DOK6: variants seen among roughly 807,000 people sequenced by gnomAD.
DOK6 encodes the protein downstream of tyrosine kinase 6.
Under a neutral mutation model 44.0 loss-of-function variants are expected in DOK6, and 22 were observed. The ratio of observed to expected loss-of-function variants is 0.50; its 90% confidence interval spans 0.36 to 0.71. DOK6 has a LOEUF of 0.71. DOK6 is among the 30% of genes least tolerant of loss of function. The probability of loss-of-function intolerance (pLI) is 0.00; values close to 1 mark genes in which losing one functional copy is unlikely to be tolerated. For missense variants in DOK6, 340 were observed against 416.4 expected (o/e 0.82, Z 1.60); for synonymous variants, 166 against 145.5 (o/e 1.14, Z -1.01).
chr18:69,431,207 G>A (rs1041583468), intron 1 of DOK6, among the ~76,000 whole-genome samples: 3 of 152,150 alleles, frequency 2.0e-5, no homozygotes, highest in Admixed American at 2.0e-4. Context: ...TTTTCAGCAG[G>A]CACAAAGCAG....
At chr18:69,701,271 G>A (rs985481327) in intron 5 of DOK6, among the ~76,000 whole-genome samples, 2 of 152,206 alleles carry the variant, frequency 1.3e-5, no homozygotes, top group South Asian at 2.1e-4. Flanking sequence ...CATCCTCAGC[G>A]CAGCATGGCG....
At chr18:69,487,001 T>C (rs929787453) in intron 1 of DOK6, among the ~76,000 whole-genome samples, 4 of 152,184 alleles carry the variant, frequency 2.6e-5, no homozygotes, top group Middle Eastern at 3.2e-3. Context: ...ATCTACTTTC[T>C]GCTCCACTTT....
rs552486437 is a variant in DOK6, at chr18:69,717,918, G to A, written c.599+19325G>A. Among the ~76,000 whole-genome samples the A allele has an allele frequency of 1.2e-4, 19 of 152,280 alleles. 1 individual carries two copies. The highest frequency in any genetic ancestry group is 4.2e-4 in the South Asian group (2 of 4,816). On this transcript the variant is annotated intron_variant, in intron 5 of 7. Transcript: ENST00000382713. Reference sequence around the variant, plus strand: ...TAGGGGCAGTCCTTCCAGTGGCATCGAGGCCTTAGATGTCAAAGAATCGGA... The same window carrying A: ...TAGGGGCAGTCCTTCCAGTGGCATCAAGGCCTTAGATGTCAAAGAATCGGA...
At chr18:69,770,058 T>C (rs1325044857) in intron 7 of DOK6, among the ~76,000 whole-genome samples, 1 of 152,156 alleles carries the variant, frequency 6.6e-6, no homozygotes, top group Non-Finnish European at 1.5e-5. Context: ...TATAATTTCA[T>C]GTAAACCACA....
chr18:69,640,100 G>A (rs1984905098), intron 3 of DOK6, among the ~76,000 whole-genome samples: 1 of 152,134 alleles, frequency 6.6e-6, no homozygotes, highest in African/African-American at 2.4e-5. Context: ...TTAACCTGCA[G>A]CACAGTTGTA....
At chr18:69,562,900 A>G (rs1267825650) in intron 1 of DOK6, among the ~76,000 whole-genome samples, 1 of 152,244 alleles carries the variant, frequency 6.6e-6, no homozygotes. Flanking sequence ...AAATCTACTT[A>G]TCTGACAAAG....
intron 2 of DOK6, among the ~76,000 whole-genome samples, chr18:69,593,182 T>C (rs1467777111): frequency 6.6e-6 from 1 of 151,920 alleles, no homozygotes; most frequent in Non-Finnish European, 1.5e-5. Context: ...CTGTATAACA[T>C]AGAGAGAGCC....
chr18:69,634,426 T>C (rs77704578), intron 3 of DOK6, among the ~76,000 whole-genome samples: 2,354 of 152,320 alleles, frequency 0.015, 22 homozygotes, highest in South Asian at 0.045. Context: ...GTTGTCAAGA[T>C]ACTTGAATTT....
chr18:69,738,440 A>G (rs1978687169), intron 5 of DOK6, among the ~76,000 whole-genome samples: 2 of 152,216 alleles, frequency 1.3e-5, no homozygotes, highest in South Asian at 2.1e-4. Context: ...AATCCTATTG[A>G]ATAACAACTT....
intron 3 of DOK6, among the ~76,000 whole-genome samples, chr18:69,666,439 T>G (rs1297084227): frequency 6.6e-6 from 1 of 152,180 alleles, no homozygotes; most frequent in Non-Finnish European, 1.5e-5. Flanking sequence ...TTCTTTTATT[T>G]TTTTTTAAAT....
At chr18:69,469,970 C>T (rs1398618987) in intron 1 of DOK6, 1 of 190,824 alleles carries the variant, frequency 5.2e-6, no homozygotes. Context: ...ACCGAGTGTC[C>T]GATCTCCCCT....
At chr18:69,463,864 T>G (rs1408165758) in intron 1 of DOK6, among the ~76,000 whole-genome samples, 1 of 152,192 alleles carries the variant, frequency 6.6e-6, no homozygotes, top group Non-Finnish European at 1.5e-5. Flanking sequence ...TTTATGGCAC[T>G]ATGTCTGTCA....
In DOK6 at chr18:69,645,737, A is replaced by G. The variant is rs187063171; in HGVS notation, c.290-31997A>G. The stretch of plus-strand genomic sequence containing the variant: ...AAAAAAACCTTGTACATAATTATTC[A>G]TAGCAGCTTTACTTGTAATATCCTA... On this transcript the variant is annotated intron_variant, in intron 3 of 7. Coordinates refer to ENST00000382713, the MANE Select transcript of DOK6 (RefSeq NM_152721.6). Among the ~76,000 whole-genome samples the G allele has an allele frequency of 3.9e-5, 6 of 152,342 alleles. No homozygotes were observed. In the East Asian group the frequency reaches 1.2e-3, roughly 29 times the overall value.
At position 69,455,597 on chromosome 18, in the gene DOK6, T is replaced by A. The variant is rs2122466694; in HGVS notation, c.66+54287T>A. Among the ~76,000 whole-genome samples the A allele has an allele frequency of 1.3e-5, 2 of 152,336 alleles. 1 individual carries two copies. Among genetic ancestry groups the A allele is most frequent in the Admixed American group, 1.3e-4 (2 of 15,296 alleles). On this transcript the variant is annotated intron_variant, in intron 1 of 7. Coordinates refer to ENST00000382713, the MANE Select transcript of DOK6 (RefSeq NM_152721.6). ...GCATTGAAATTGTGTGGAGTCACAA[T>A]TGTATATTGGGAGATATTTTATCAA...
intron 1 of DOK6, among the ~76,000 whole-genome samples, chr18:69,426,296 C>G (rs1475197061): frequency 1.3e-5 from 2 of 152,118 alleles, no homozygotes; most frequent in Non-Finnish European, 2.9e-5. Flanking sequence ...CCAGGATCTT[C>G]CTAATCCTTT....
chr18:69,775,435 T>A (rs1980031997), intron 7 of DOK6, among the ~76,000 whole-genome samples: 1 of 151,914 alleles, frequency 6.6e-6, no homozygotes. Flanking sequence ...TTGATAGCAG[T>A]AACAAGAAAT....
At chr18:69,554,238 T>G (rs1982635079) in intron 1 of DOK6, among the ~76,000 whole-genome samples, 1 of 152,154 alleles carries the variant, frequency 6.6e-6, no homozygotes, top group Non-Finnish European at 1.5e-5. Flanking sequence ...ACTTTGTTAG[T>G]AGCCAAAAAG....
intron 6 of DOK6, among the ~76,000 whole-genome samples, chr18:69,740,181 G>C (rs1978755216): frequency 6.6e-6 from 1 of 152,166 alleles, no homozygotes; most frequent in Admixed American, 6.6e-5. Flanking sequence ...TTTGTAGGAT[G>C]ATTAGGATGA....
intron 2 of DOK6, among the ~76,000 whole-genome samples, chr18:69,577,482 A>G (rs553304178): frequency 9.8e-5 from 15 of 152,308 alleles, no homozygotes; most frequent in Admixed American, 9.8e-4. Flanking sequence ...TTGAACATTA[A>G]GCACTTACTA....
Sources: gnomAD v4.1 joint callset for allele counts (sites outside exome capture counted in the v4.1 genomes callset) on GRCh38, gnomAD v4.1.1 for gene constraint, MANE v1.5 for transcripts, NCBI Gene and HGNC (gene_info 2026-07-23, HGNC 2026-07-21) for gene names.